Variants in CATSPERT observed in about 807,000 individuals in gnomAD.
The protein encoded by CATSPERT is catsper channel auxiliary subunit tau.
the CATSPERT span, among the ~76,000 whole-genome samples, chr2:201,541,448 T>C: frequency 1.3e-5 from 2 of 149,634 alleles, no homozygotes; most frequent in South Asian, 4.2e-4. Context: ...GCAACTACCA[T>C]CTTGATCAGT....
chr2:201,571,074 A>G, the CATSPERT span, among the ~76,000 whole-genome samples: 46 of 152,302 alleles, frequency 3.0e-4, no homozygotes, highest in African/African-American at 1.0e-3. Context: ...CTCAAGGGCA[A>G]GGAGAAGGCC....
At chr2:201,543,769 T>C in the CATSPERT span, among the ~76,000 whole-genome samples, 1 of 152,140 alleles carries the variant, frequency 6.6e-6, no homozygotes, top group Non-Finnish European at 1.5e-5. Context: ...TCTACAGAAT[T>C]TTCTATATGT....
At chr2:201,582,855 TC>T in the CATSPERT span, among the ~76,000 whole-genome samples, 1 of 152,144 alleles carries the variant, frequency 6.6e-6, no homozygotes, top group Non-Finnish European at 1.5e-5. Context: ...GCAGTGTTTC[TC>T]CTGATGGTTG....
At chr2:201,571,571 C>T in the CATSPERT span, among the ~76,000 whole-genome samples, 1 of 152,154 alleles carries the variant, frequency 6.6e-6, no homozygotes. Context: ...GAGCAGAAAA[C>T]TGATAACTAT....
At chr2:201,529,409 T>C in the CATSPERT span, among the ~76,000 whole-genome samples, 1 of 152,096 alleles carries the variant, frequency 6.6e-6, no homozygotes, top group African/African-American at 2.4e-5. Context: ...CATAAACCAA[T>C]GGAACAGGTA....
the CATSPERT span, among the ~76,000 whole-genome samples, chr2:201,608,383 T>A: frequency 3.2e-3 from 491 of 152,286 alleles, no homozygotes; most frequent in African/African-American, 9.1e-3. Context: ...CACTTTTTTT[T>A]AAAATTTTGG....
the CATSPERT span, chr2:201,601,948 A>G: frequency 8.2e-7 from 1 of 1,224,312 alleles, no homozygotes; most frequent in Non-Finnish European, 1.1e-6. Flanking sequence ...ACATTATAAA[A>G]TTAATACATT....
chr2:201,539,033 A>T, the CATSPERT span, among the ~76,000 whole-genome samples: 93,786 of 152,080 alleles, frequency 0.62, 30,565 homozygotes, highest in East Asian at 0.95. Context: ...TCTATGGTGT[A>T]TATGTACTAC....
chr2:201,616,813 C>T, the CATSPERT span, among the ~76,000 whole-genome samples: 5 of 152,142 alleles, frequency 3.3e-5, no homozygotes, highest in Admixed American at 6.5e-5. Flanking sequence ...AAAACTCCAT[C>T]GCCTCAGCCC....
the CATSPERT span, among the ~76,000 whole-genome samples, chr2:201,565,475 A>G: frequency 6.6e-6 from 1 of 152,150 alleles, no homozygotes; most frequent in East Asian, 1.9e-4. Context: ...AGAGTGAGAC[A>G]CTGTTTCAAA....
the CATSPERT span, among the ~76,000 whole-genome samples, chr2:201,592,442 C>A: frequency 2.0e-5 from 3 of 147,676 alleles, no homozygotes; most frequent in Non-Finnish European, 3.0e-5. Flanking sequence ...CTAAAATTCT[C>A]TTTTTTGGTT....
At chr2:201,498,447 C>T in the CATSPERT span, among the ~76,000 whole-genome samples, 1 of 152,052 alleles carries the variant, frequency 6.6e-6, no homozygotes, top group Non-Finnish European at 1.5e-5. Context: ...GCAAGCTCAT[C>T]CCTCCTTCCT....
the CATSPERT span, among the ~76,000 whole-genome samples, chr2:201,526,487 C>T: frequency 6.6e-6 from 1 of 152,190 alleles, no homozygotes; most frequent in Non-Finnish European, 1.5e-5. Context: ...CACTGCACTA[C>T]AGCCTGAACG....
At chr2:201,537,535 T>C in the CATSPERT span, 140 of 1,275,878 alleles carry the variant, frequency 1.1e-4, 1 homozygote, top group African/African-American at 9.8e-4. Flanking sequence ...TAAACACATA[T>C]GTATGTACAT....
chr2:201,523,707 C>T, the CATSPERT span, among the ~76,000 whole-genome samples: 2 of 152,070 alleles, frequency 1.3e-5, no homozygotes, highest in Non-Finnish European at 2.9e-5. Context: ...CATCAAGATT[C>T]AGGAGAAAGT....
At chr2:201,614,611 A>G in the CATSPERT span, among the ~76,000 whole-genome samples, 2 of 152,236 alleles carry the variant, frequency 1.3e-5, no homozygotes, top group Non-Finnish European at 2.9e-5. Flanking sequence ...AAACATGCCA[A>G]ATTGTAAAGA....
the CATSPERT span, among the ~76,000 whole-genome samples, chr2:201,614,683 T>C: frequency 6.6e-6 from 1 of 152,192 alleles, no homozygotes; most frequent in Admixed American, 6.5e-5. Context: ...AACATCATAA[T>C]GACAGGATCA....
chr2:201,492,535 C>G, the CATSPERT span: 2 of 1,535,902 alleles, frequency 1.3e-6, no homozygotes, highest in Admixed American at 3.9e-5. Flanking sequence ...TATTGAGACA[C>G]TTTTAGTCCT....
chr2:201,517,161 C>G, the CATSPERT span, among the ~76,000 whole-genome samples: 7 of 152,046 alleles, frequency 4.6e-5, no homozygotes, highest in Admixed American at 4.6e-4. Flanking sequence ...CTTAAAGCAG[C>G]TGAGGTCATC....
Sources: gnomAD v4.1 joint callset for allele counts (sites outside exome capture counted in the v4.1 genomes callset) on GRCh38, gnomAD v4.1.1 for gene constraint, MANE v1.5 for transcripts, NCBI Gene and HGNC (gene_info 2026-07-23, HGNC 2026-07-21) for gene names.